SDK1: variants seen among roughly 807,000 people sequenced by gnomAD.
SDK1 encodes sidekick cell adhesion molecule 1, also known as protein sidekick-1.
In SDK1, 157 loss-of-function variants were observed where a neutral mutation model predicts 245.5. That is an observed-to-expected ratio of 0.64 (90% CI 0.56 to 0.73). The LOEUF is 0.73. Ranked by LOEUF, SDK1 falls within the 30% of genes least tolerant of loss-of-function variation. The probability of loss-of-function intolerance (pLI) is 0.00; values close to 1 mark genes in which losing one functional copy is unlikely to be tolerated. For missense variants in SDK1, 3,583 were observed against 3,002.3 expected (o/e 1.19, Z -4.52); for synonymous variants, 1,647 against 1,278.5 (o/e 1.29, Z -6.15).
intron 44 of SDK1, among the ~76,000 whole-genome samples, chr7:4,256,869 G>C (rs933223834): frequency 2.0e-5 from 3 of 152,120 alleles, no homozygotes; most frequent in African/African-American, 7.2e-5. Context: ...TTATCCCCCA[G>C]GACATTTTTA....
rs114558041 is a variant in SDK1 at position 3,432,606 on chromosome 7, A to C, written c.298+130722A>C. Among the ~76,000 whole-genome samples, 539 of 152,302 alleles carry C rather than the reference A, an allele frequency of 3.5e-3. 4 individuals are homozygous for C. The highest frequency in any genetic ancestry group is 0.011 in the African/African-American group (461 of 41,568). ...AGAAACATATTTTGCTAGGTTTCGC[A>C]TAGAAAAACCTGTGTCTGGCTCAAG... On this transcript the variant is annotated intron_variant, in intron 1 of 44. Coordinates refer to ENST00000404826, the MANE Select transcript of SDK1 (RefSeq NM_152744.4).
chr7:3,338,517 T>C, intron 1 of SDK1: 1 of 448,812 alleles, frequency 2.2e-6, no homozygotes, highest in Non-Finnish European at 4.3e-6. Flanking sequence ...AGAGCCAGCC[T>C]GTTCCCAGAG....
chr7:3,492,979 C>T (rs1781908994), intron 1 of SDK1, among the ~76,000 whole-genome samples: 1 of 152,104 alleles, frequency 6.6e-6, no homozygotes, highest in African/African-American at 2.4e-5. Flanking sequence ...GAGACGGAGT[C>T]TTGCTCTCTC....
At chr7:3,978,208 CAAAT>C (rs1783122049) in intron 13 of SDK1, among the ~76,000 whole-genome samples, 1 of 152,002 alleles carries the variant, frequency 6.6e-6, no homozygotes, top group Non-Finnish European at 1.5e-5. Context: ...TCGTTGGTAT[CAAAT>C]AAATAAGCGT....
At chr7:3,302,429 C>T (rs1441146824) in intron 1 of SDK1, 1 of 152,232 alleles carries the variant, frequency 6.6e-6, no homozygotes, top group Non-Finnish European at 1.5e-5. Context: ...TGGAGCAAAA[C>T]TTTCAGTGCC....
intron 2 of SDK1, among the ~76,000 whole-genome samples, chr7:3,631,371 C>G (rs1782283030): frequency 6.6e-6 from 1 of 152,126 alleles, no homozygotes; most frequent in African/African-American, 2.4e-5. Flanking sequence ...TGTGTAACTC[C>G]CATCTACATC....
At chr7:3,873,214 G>A (rs1780999559) in intron 5 of SDK1, among the ~76,000 whole-genome samples, 1 of 152,034 alleles carries the variant, frequency 6.6e-6, no homozygotes, top group Non-Finnish European at 1.5e-5. Flanking sequence ...TTTACTGGGT[G>A]TAGAATCCTG....
chr7:3,774,615 T>A (rs931013190), intron 4 of SDK1, among the ~76,000 whole-genome samples: 1 of 152,356 alleles, frequency 6.6e-6, no homozygotes, highest in East Asian at 1.9e-4. Context: ...ATAGTTATAC[T>A]GGACAGATTC....
Position 3,629,300 on chromosome 7 carries a change from C to CA in SDK1, c.459-9693dup, listed in dbSNP as rs71029686. Among the ~76,000 whole-genome samples the CA allele has an allele frequency of 6.2e-3, 693 of 111,126 alleles. 6 individuals carry two copies. Among genetic ancestry groups the CA allele is most frequent in the African/African-American group, 0.019 (557 of 29,882 alleles). The allele number at this position is 111,126 out of a possible 152,430, so 72.9% of individuals were successfully genotyped here. A position where few individuals can be genotyped will look rare whatever the true frequency, so the allele number is the denominator to read the frequency against. On this transcript the variant is annotated intron_variant, in intron 2 of 44. Transcript: ENST00000404826. ...TGGGAGACAGTACAATTCTCAGTCT[C>CA]AAAAAAAAAAAGAAAAAAAAGAAAA...
intron 4 of SDK1, among the ~76,000 whole-genome samples, chr7:3,744,831 A>G (rs1039309869): frequency 8.5e-5 from 13 of 152,070 alleles, no homozygotes; most frequent in African/African-American, 2.7e-4. Flanking sequence ...AACAAACAAA[A>G]AAAAACAAAA....
chr7:3,610,665 A>C (rs755233395), intron 1 of SDK1, among the ~76,000 whole-genome samples: 1 of 152,248 alleles, frequency 6.6e-6, no homozygotes, highest in Non-Finnish European at 1.5e-5. Flanking sequence ...TCTCACTGGA[A>C]GCTTGAATGG....
intron 35 of SDK1, among the ~76,000 whole-genome samples, chr7:4,183,640 CAAA>C (rs548155248): frequency 8.2e-5 from 6 of 73,118 alleles, no homozygotes; most frequent in Admixed American, 1.6e-4. Flanking sequence ...GACTCCGTCT[CAAA>C]AAAAAAAAAA....
intron 1 of SDK1, among the ~76,000 whole-genome samples, chr7:3,459,958 A>G (rs1353150040): frequency 6.6e-6 from 1 of 152,204 alleles, no homozygotes; most frequent in African/African-American, 2.4e-5. Flanking sequence ...TGCCTCTTGG[A>G]TAGCAAAGAA....
At chr7:4,239,714 A>T (rs1354864939) in intron 42 of SDK1, among the ~76,000 whole-genome samples, 1 of 152,212 alleles carries the variant, frequency 6.6e-6, no homozygotes, top group East Asian at 1.9e-4. Context: ...GCTGTAGCTG[A>T]GCCCAGGAAT....
chr7:4,121,470 C>G (rs1030831789), intron 25 of SDK1, among the ~76,000 whole-genome samples: 4 of 152,222 alleles, frequency 2.6e-5, no homozygotes, highest in Non-Finnish European at 5.9e-5. Context: ...TCTCTCTTTT[C>G]TCTCCTGCTG....
chr7:3,640,898 G>T (rs992989133), intron 3 of SDK1, among the ~76,000 whole-genome samples: 5 of 151,930 alleles, frequency 3.3e-5, no homozygotes, highest in Admixed American at 2.0e-4. Context: ...TGGCCAGGCT[G>T]GTGTCAAATT....
intron 40 of SDK1, chr7:4,227,165 A>G (rs545730154): frequency 3.3e-6 from 1 of 299,280 alleles, no homozygotes; most frequent in African/African-American, 2.2e-5. Context: ...ATTTCTCTGA[A>G]GGTTTGACAT....
intron 35 of SDK1, among the ~76,000 whole-genome samples, chr7:4,193,843 G>A (rs1299400167): frequency 6.6e-6 from 1 of 152,098 alleles, no homozygotes; most frequent in African/African-American, 2.4e-5. Context: ...ATTGAACTTA[G>A]GAGCAACCAA....
intron 5 of SDK1, among the ~76,000 whole-genome samples, chr7:3,899,233 A>G (rs1199376172): frequency 6.6e-6 from 1 of 152,114 alleles, no homozygotes; most frequent in Admixed American, 6.5e-5. Context: ...AGTATGTATC[A>G]CCCTCAGTCT....
Sources: gnomAD v4.1 joint callset for allele counts (sites outside exome capture counted in the v4.1 genomes callset) on GRCh38, gnomAD v4.1.1 for gene constraint, MANE v1.5 for transcripts, NCBI Gene and HGNC (gene_info 2026-07-23, HGNC 2026-07-21) for gene names.